MBNL1: variants seen among roughly 807,000 people sequenced by gnomAD.
MBNL1 encodes the protein muscleblind like splicing regulator 1, also known as muscleblind-like protein 1.
Under a neutral mutation model 42.2 loss-of-function variants are expected in MBNL1, and 8 were observed. The observed-to-expected ratio is 0.19, with a 90% CI of 0.11 to 0.34. The LOEUF is 0.34. MBNL1 is among the 10% of genes least tolerant of loss of function. MBNL1 has a pLI of 1.00. For missense variants in MBNL1, 309 were observed against 495.3 expected (o/e 0.62, Z 3.57); for synonymous variants, 169 against 173.9 (o/e 0.97, Z 0.22).
upstream of MBNL1, chr3:152,263,528 G>A (rs544330668): frequency 2.4e-4 from 36 of 152,240 alleles, no homozygotes; most frequent in African/African-American, 8.7e-4. Flanking sequence ...ATTGCCGAGG[G>A]TCTTCAACCA....
At chr3:152,443,969 A>G (rs2099183510) in intron 4 of MBNL1, among the ~76,000 whole-genome samples, 2 of 152,158 alleles carry the variant, frequency 1.3e-5, no homozygotes, top group African/African-American at 4.8e-5. Context: ...TTTCCTCAAT[A>G]ATAGGATATG....
chr3:152,250,047 TA>T (rs1179661427), intron 2 of MBNL1, among the ~76,000 whole-genome samples: 1 of 151,630 alleles, frequency 6.6e-6, no homozygotes, highest in Non-Finnish European at 1.5e-5. Flanking sequence ...TGAAGTCAGG[TA>T]GTGTGATGCC....
At chr3:152,328,918 G>T (rs879944882) in intron 2 of MBNL1, among the ~76,000 whole-genome samples, 2 of 152,090 alleles carry the variant, frequency 1.3e-5, no homozygotes, top group Non-Finnish European at 2.9e-5. Context: ...ATAAATATTG[G>T]CTATTTTAAT....
At chr3:152,248,370 T>C (rs2033651902) in intron 2 of MBNL1, among the ~76,000 whole-genome samples, 1 of 152,032 alleles carries the variant, frequency 6.6e-6, no homozygotes, top group Non-Finnish European at 1.5e-5. Context: ...TATTTAGAAA[T>C]AATTGGAAGC....
At chr3:152,458,417 T>C in intron 8 of MBNL1, 1 of 532,914 alleles carries the variant, frequency 1.9e-6, no homozygotes. Flanking sequence ...CCCAACAACA[T>C]TGCTGAAATG....
chr3:152,408,904 C>T (rs774725075), intron 2 of MBNL1, among the ~76,000 whole-genome samples: 6 of 152,230 alleles, frequency 3.9e-5, no homozygotes, highest in Non-Finnish European at 7.4e-5. Context: ...ACTCCCACAA[C>T]AAAAATATAT....
intron 2 of MBNL1, among the ~76,000 whole-genome samples, chr3:152,413,907 G>T: frequency 6.6e-6 from 1 of 152,078 alleles, no homozygotes; most frequent in Non-Finnish European, 1.5e-5. Flanking sequence ...TTATTAAAAA[G>T]AATTATCCAA....
intron 2 of MBNL1, among the ~76,000 whole-genome samples, chr3:152,311,048 G>A (rs148677852): frequency 4.9e-5 from 6 of 121,724 alleles, no homozygotes; most frequent in African/African-American, 1.3e-4. Context: ...CCACTCTGTC[G>A]CTCAGGCTGG....
At chr3:152,270,297 T>C (rs2040462588) in intron 1 of MBNL1, among the ~76,000 whole-genome samples, 1 of 152,192 alleles carries the variant, frequency 6.6e-6, no homozygotes, top group Admixed American at 6.5e-5. Flanking sequence ...TTTCTTAAAT[T>C]AATACGCTAG....
At chr3:152,303,733 A>G (rs994573022) in intron 2 of MBNL1, among the ~76,000 whole-genome samples, 1 of 152,176 alleles carries the variant, frequency 6.6e-6, no homozygotes, top group Non-Finnish European at 1.5e-5. Context: ...TACCCTCAAA[A>G]AAAAAGCTTT....
At chr3:152,281,474 T>C (rs1296939154) in intron 1 of MBNL1, among the ~76,000 whole-genome samples, 2 of 152,106 alleles carry the variant, frequency 1.3e-5, no homozygotes, top group African/African-American at 4.8e-5. Context: ...GAATGGACTT[T>C]GAAGTTTCAC....
At chr3:152,432,096 T>C (rs1334063602) in intron 3 of MBNL1, among the ~76,000 whole-genome samples, 1 of 152,190 alleles carries the variant, frequency 6.6e-6, no homozygotes, top group African/African-American at 2.4e-5. Context: ...GTGGAACACT[T>C]ATAATTTCCC....
At chr3:152,441,253 T>C (rs978738393) in intron 4 of MBNL1, among the ~76,000 whole-genome samples, 2 of 152,132 alleles carry the variant, frequency 1.3e-5, no homozygotes, top group African/African-American at 4.8e-5. Context: ...CTGAGTTTAA[T>C]ACTACTTATA....
chr3:152,273,339 T>C (rs1288586766), intron 1 of MBNL1, among the ~76,000 whole-genome samples: 1 of 152,054 alleles, frequency 6.6e-6, no homozygotes, highest in Non-Finnish European at 1.5e-5. Context: ...TAAACGTTTA[T>C]ATAAGCATTA....
chr3:152,305,573 A>C (rs755260701), intron 2 of MBNL1, among the ~76,000 whole-genome samples: 45 of 152,086 alleles, frequency 3.0e-4, no homozygotes, highest in Non-Finnish European at 3.8e-4. Flanking sequence ...AGCTAGGCCA[A>C]AAATCATGAC....
intron 1 of MBNL1, among the ~76,000 whole-genome samples, chr3:152,275,281 G>C (rs73026356): frequency 6.6e-6 from 1 of 152,108 alleles, no homozygotes; most frequent in Non-Finnish European, 1.5e-5. Context: ...CACTGACTAG[G>C]CTTGCAATTC....
intron 3 of MBNL1, among the ~76,000 whole-genome samples, chr3:152,423,231 A>G (rs2098836096): frequency 6.6e-6 from 1 of 152,218 alleles, no homozygotes; most frequent in Non-Finnish European, 1.5e-5. Context: ...TAGACACAAT[A>G]TAAATGACAA....
Position 152,459,625 on chromosome 3 carries a change from G to A in MBNL1, c.*18+280G>A, listed in dbSNP as rs543893307. ...TGTATGACCAAAAAGTAATTAGAAG[G>A]TGTAGATCAAGGGTTGGCAAACTTT... On this transcript the variant is annotated intron_variant, in intron 9 of 9. Coordinates refer to ENST00000324210, the MANE Select transcript of MBNL1 (RefSeq NM_021038.5). 2.5e-4 allele frequency among the ~76,000 whole-genome samples: 38 copies of A among 152,124 alleles called. No individual in the cohort carries two copies. The South Asian group carries it at 7.7e-3, about 31-fold the overall frequency.
At chr3:152,446,785 G>C (rs750120752) in intron 5 of MBNL1, 4 of 1,592,348 alleles carry the variant, frequency 2.5e-6, no homozygotes, top group Non-Finnish European at 3.4e-6. Context: ...CTTTTAGCTT[G>C]GCATGTAGCT....
Sources: allele counts gnomAD v4.1 joint callset (sites outside exome capture counted in the v4.1 genomes callset), GRCh38; gene constraint gnomAD v4.1.1; transcripts MANE v1.5; gene names NCBI Gene and HGNC (gene_info 2026-07-23, HGNC 2026-07-21).